BTBD2: variants seen among roughly 807,000 people sequenced by gnomAD.
BTBD2 encodes BTB domain containing 2, also known as BTB/POZ domain-containing protein 2.
Under a neutral mutation model 44.0 loss-of-function variants are expected in BTBD2, and 15 were observed. The ratio of observed to expected loss-of-function variants is 0.34; its 90% CI spans 0.23 to 0.53. The LOEUF (loss-of-function observed/expected upper bound fraction) is 0.53. BTBD2 is among the 20% of genes least tolerant of loss of function. The probability of loss-of-function intolerance (pLI) is 0.95; values close to 1 mark genes in which losing one functional copy is unlikely to be tolerated. For synonymous variants in BTBD2, 443 were observed against 335.9 expected (o/e 1.32, Z -3.49); for missense variants, 657 against 746.4 (o/e 0.88, Z 1.39).
intron 2 of BTBD2, among the ~76,000 whole-genome samples, chr19:1,993,609 A>G (rs1186908900): frequency 6.6e-6 from 1 of 152,008 alleles, no homozygotes; most frequent in African/African-American, 2.4e-5. Flanking sequence ...CAACACGCTA[A>G]TTAGGATCAT....
chr19:1,992,798 C>T (rs1203094149), intron 3 of BTBD2, among the ~76,000 whole-genome samples: 1 of 152,174 alleles, frequency 6.6e-6, no homozygotes. Flanking sequence ...TCTGGAACGC[C>T]TGAGCTCAGG....
At chr19:1,991,110 T>G in intron 3 of BTBD2, 1 of 333,154 alleles carries the variant, frequency 3.0e-6, no homozygotes, top group Non-Finnish European at 5.7e-6. Context: ...CCTGCTGCTT[T>G]AGGCAAAAGG....
chr19:2,003,264 G>A (rs181596524), intron 1 of BTBD2: 2 of 151,976 alleles, frequency 1.3e-5, no homozygotes, highest in African/African-American at 4.8e-5. Flanking sequence ...ACAAGGTCGG[G>A]AGTTCAAGAC....
Position 1,990,266 on chromosome 19 carries a change from G to A in BTBD2, c.791-65C>T, listed in dbSNP as rs1048278314. 18 of 1,513,870 alleles carry A rather than the reference G, an allele frequency of 1.2e-5. No homozygotes were observed. The Admixed American group carries it at 2.4e-4, about 20-fold the overall frequency. The allele number at this position is 1,513,870 out of a possible 1,614,324, so 93.8% of individuals were successfully genotyped here. A position where few individuals can be genotyped will look rare whatever the true frequency, so the allele number is the denominator to read the frequency against. On this transcript the variant is annotated intron_variant, in intron 4 of 8. Transcript: ENST00000255608. ...ACATGCCCACCCTGCAGGAGGCAGT[G>A]AGACTAACGTGAGGACCAGCAGTTA...
chr19:1,986,771 G>C (rs1394716072), intron 8 of BTBD2, 59 bp downstream of exon 8: 9 of 1,570,380 alleles, frequency 5.7e-6, no homozygotes, highest in African/African-American at 1.3e-5. Flanking sequence ...GCTGTGCCCC[G>C]GTGGCTTCAG....
chr19:2,015,214 G>A, intron 1 of BTBD2, 83 bp downstream of exon 1: 1 of 1,437,190 alleles, frequency 7.0e-7, no homozygotes, highest in Non-Finnish European at 9.1e-7. Context: ...CTCGGGGACA[G>A]AGGGGTGCAG....
chr19:2,011,382 C>A (rs367595848), intron 1 of BTBD2, among the ~76,000 whole-genome samples: 1 of 152,116 alleles, frequency 6.6e-6, no homozygotes, highest in Non-Finnish European at 1.5e-5. Flanking sequence ...CCATCCACGG[C>A]GCGTTCCACC....
At chr19:2,004,905 C>T (rs1019375530) in intron 1 of BTBD2, among the ~76,000 whole-genome samples, 8 of 150,604 alleles carry the variant, frequency 5.3e-5, no homozygotes, top group African/African-American at 1.9e-4. Context: ...CACTGCAACC[C>T]GTCTCCCAAG....
intron 1 of BTBD2, among the ~76,000 whole-genome samples, chr19:2,010,401 G>A (rs2016449470): frequency 1.3e-5 from 2 of 152,218 alleles, no homozygotes; most frequent in South Asian, 4.1e-4. Context: ...GCAACCCCTG[G>A]CCTCCTCCCC....
intron 1 of BTBD2, among the ~76,000 whole-genome samples, chr19:2,001,340 C>T (rs540655530): frequency 2.0e-5 from 3 of 151,912 alleles, no homozygotes; most frequent in Non-Finnish European, 2.9e-5. Flanking sequence ...ACTAAAAATA[C>T]AAAATATTAG....
In BTBD2 at chr19:1,986,264, G is replaced by A; in HGVS notation, c.*224C>T. The A allele has an allele frequency of 3.5e-6, 2 of 565,552 alleles. No homozygotes were observed. The highest frequency in any genetic ancestry group is 6.2e-6 in the Non-Finnish European group (2 of 323,962). 35.0% of individuals were successfully genotyped at this position (565,552 alleles called of 1,614,324 possible). A position where few individuals can be genotyped will look rare whatever the true frequency, so the allele number is the denominator to read the frequency against. On this transcript the variant is annotated 3_prime_UTR_variant, in exon 9 of 9. Transcript: ENST00000255608. The stretch of plus-strand genomic sequence containing the variant: ...CTGAGGGATTGTCTCCACAGGGCCT[G>A]GCCACTGGCCTGGCCACCTCCCCGG...
chr19:1,987,456 C>T, intron 6 of BTBD2, 44 bp downstream of exon 6: 1 of 1,175,188 alleles, frequency 8.5e-7, no homozygotes, highest in Non-Finnish European at 1.2e-6. Flanking sequence ...CCCGAGTCCT[C>T]CACCCCCATG....
At chr19:2,002,360 C>T (rs1200058800) in intron 1 of BTBD2, among the ~76,000 whole-genome samples, 1 of 151,802 alleles carries the variant, frequency 6.6e-6, no homozygotes, top group East Asian at 1.9e-4. Flanking sequence ...TGATTACAGG[C>T]AAACTGATAA....
At chr19:2,000,728 C>T (rs2016318722) in intron 1 of BTBD2, among the ~76,000 whole-genome samples, 1 of 152,148 alleles carries the variant, frequency 6.6e-6, no homozygotes, top group Non-Finnish European at 1.5e-5. Context: ...CACGGCCACA[C>T]AAAAACACAT....
chr19:1,999,269 C>G (rs1402450674), intron 1 of BTBD2, among the ~76,000 whole-genome samples: 2 of 152,236 alleles, frequency 1.3e-5, no homozygotes, highest in African/African-American at 4.8e-5. Flanking sequence ...CGCCCCGAAC[C>G]TCGGAATGCG....
intron 1 of BTBD2, among the ~76,000 whole-genome samples, chr19:2,009,041 CA>C (rs2016429527): frequency 6.8e-6 from 1 of 147,718 alleles, no homozygotes; most frequent in South Asian, 2.1e-4. Flanking sequence ...TTTTCCAAGA[CA>C]GAGTCTCGCT....
At chr19:2,014,251 T>C in intron 1 of BTBD2, 1 of 146,374 alleles carries the variant, frequency 6.8e-6, no homozygotes. Context: ...GTGCAGGGCC[T>C]GGGGATGGAG....
chr19:1,995,072 A>G (rs970494450), intron 2 of BTBD2, among the ~76,000 whole-genome samples: 1 of 151,728 alleles, frequency 6.6e-6, no homozygotes, highest in Non-Finnish European at 1.5e-5. Context: ...GGTTCAAGCG[A>G]TTCTCCTGCC....
chr19:1,997,374 A>C lies in BTBD2; in HGVS notation c.497T>G (p.Val166Gly), dbSNP rs2016265229. ...TTSTEIELPD[V>G]EPAAFLALLK... Reference sequence around the variant, plus strand: ...CAGTGCGAGGAAGGCAGCGGGTTCCACGTCGGGCAGCTCAATCTCCGTGGA... The same window carrying C: ...CAGTGCGAGGAAGGCAGCGGGTTCCCCGTCGGGCAGCTCAATCTCCGTGGA... Residue 166 changes from valine (V) to glycine (G), a missense_variant, in exon 2 of 9, where the codon GTG becomes GGG. Physicochemically the swap from Val to Gly is moderately radical, Grantham distance 109. Around this residue, in one of 3 missense-constraint regions of BTBD2, gnomAD observed 17 missense variants for 47.0 expected, o/e 0.36. Transcript: ENST00000255608. The C allele has an allele frequency of 6.2e-7, 1 of 1,614,058 alleles. No homozygotes were observed. The highest frequency in any genetic ancestry group is 1.3e-5 in the African/African-American group (1 of 74,932).
Sources: gnomAD v4.1 joint callset for allele counts (sites outside exome capture counted in the v4.1 genomes callset) on GRCh38, gnomAD v4.1.1 for gene constraint, gnomAD v4.1.1 regional missense constraint, MANE v1.5 for transcripts, NCBI Gene and HGNC (gene_info 2026-07-23, HGNC 2026-07-21) for gene names.